SLC13A2: variants seen among roughly 807,000 people sequenced by gnomAD.
SLC13A2 encodes Na(+)-coupled citrate transporter.
Under a neutral mutation model 58.5 loss-of-function variants are expected in SLC13A2, and 40 were observed. That is an observed-to-expected ratio of 0.68 (90% CI 0.53 to 0.89). SLC13A2 has a LOEUF of 0.89. SLC13A2 is among the 40% of genes least tolerant of loss of function. The pLI is 0.00. For missense variants in SLC13A2, 694 were observed against 772.6 expected (o/e 0.90, Z 1.21); for synonymous variants, 341 against 331.6 (o/e 1.03, Z -0.31).
intron 1 of SLC13A2, chr17:28,487,485 A>C (rs1443003643): frequency 9.5e-6 from 9 of 948,190 alleles, no homozygotes; most frequent in Non-Finnish European, 1.1e-5. Flanking sequence ...AAGCACATAG[A>C]ATATGACGCC....
chr17:28,491,838 C>A lies in SLC13A2; in HGVS notation c.864C>A (p.Leu288=), dbSNP rs2069033362. Residue 288 remains leucine (L), a synonymous_variant, in exon 6 of 12, where the codon CTC becomes CTA. Coordinates refer to ENST00000314669, the MANE Select transcript of SLC13A2 (RefSeq NM_003984.4). ...LLLAWLWLQI[L]FLGFNFRKNF... is the part of the protein sequence containing the mutation. ...TGGCCTGGTTGTGGCTGCAGATCCT[C>A]TTCCTGGGCTTCAAGTAAGTGGCAA... 1 of 1,613,948 alleles carries A rather than the reference C, an allele frequency of 6.2e-7. No homozygotes were observed. Among genetic ancestry groups the A allele is most frequent in the Non-Finnish European group, 8.5e-7 (1 of 1,179,936 alleles).
rs782504889 is a variant in SLC13A2 at position 28,490,884 on chromosome 17, C to T, written c.552C>T (p.Pro184=). ...CCTTCGAGCTCCAGGAACCAAGTCC[C>T]CAGAAGGAGGTGACCAAGCTTGGTG... ...NPTFELQEPS[P]QKEVTKLDNG... Residue 184 remains proline (P), a synonymous_variant, in exon 4 of 12, where the codon CCC becomes CCT. Coordinates refer to ENST00000314669, the MANE Select transcript of SLC13A2 (RefSeq NM_003984.4). 16 of 1,613,874 alleles carry T rather than the reference C, an allele frequency of 9.9e-6. No homozygotes were observed. The South Asian group carries it at 1.5e-4, about 16-fold the overall frequency.
rs2068959797 is a variant in SLC13A2, at chr17:28,489,530, G to A, written c.231+188G>A. On this transcript the variant is annotated intron_variant, in intron 2 of 11. Coordinates refer to ENST00000314669, the MANE Select transcript of SLC13A2 (RefSeq NM_003984.4). ...TGGGGTGGGGAGGGGTGCAGAATTAGTGCTGCGAGTTCATTCAAGGTGAGA... is the reference window on the plus strand; with the variant it reads ...TGGGGTGGGGAGGGGTGCAGAATTAATGCTGCGAGTTCATTCAAGGTGAGA... Among the ~76,000 whole-genome samples, 3 of 152,192 alleles carry A rather than the reference G, an allele frequency of 2.0e-5. No homozygotes were observed. In the South Asian group the frequency reaches 6.2e-4, roughly 32 times the overall value.
In SLC13A2 at chr17:28,494,032, G is replaced by C. The variant is rs1337826565; in HGVS notation, c.1113G>C (p.Gly371=). The change falls in exon 8 of 12, where the codon GGG becomes GGC. Residue 371 remains glycine (G), a synonymous_variant. Transcript: ENST00000314669. This position sits in a 1 kb window ranked among gnomAD's most constrained non-coding sequence, Gnocchi z 4.0. ...NAKGESMVSD[G]TVAIFIGIIM... Reference sequence around the variant, plus strand: ...CCACCAACAGCATGGTGTCCGATGGGACAGTGGCCATCTTCATCGGCATAA... The same window carrying C: ...CCACCAACAGCATGGTGTCCGATGGCACAGTGGCCATCTTCATCGGCATAA... The C allele has an allele frequency of 1.9e-6, 3 of 1,614,000 alleles. No individual in the cohort carries two copies. The highest frequency in any genetic ancestry group is 2.5e-6 in the Non-Finnish European group (3 of 1,180,006).
chr17:28,493,508 C>A, intron 6 of SLC13A2, 63 bp from the exon 7 acceptor site: 1 of 1,409,464 alleles, frequency 7.1e-7, no homozygotes, highest in South Asian at 1.4e-5. Flanking sequence ...GGTAGGCACT[C>A]AGAGCCCCTT....
intron 1 of SLC13A2, among the ~76,000 whole-genome samples, chr17:28,477,268 A>G (rs1555600145): frequency 7.4e-6 from 1 of 134,672 alleles, no homozygotes; most frequent in African/African-American, 2.9e-5. Context: ...ATCTTGGCTC[A>G]CTGCAAGCTC....
At chr17:28,490,266 C>A in intron 2 of SLC13A2, 188 bp from the exon 3 acceptor site, 1 of 1,523,554 alleles carries the variant, frequency 6.6e-7, no homozygotes, top group Non-Finnish European at 8.8e-7. Context: ...AGAGCCAGAC[C>A]CTGTCTCCAA....
chr17:28,487,631 A>G, intron 1 of SLC13A2: 1 of 963,200 alleles, frequency 1.0e-6, no homozygotes, highest in Non-Finnish European at 1.2e-6. Flanking sequence ...AGGGTCCAGG[A>G]GGGCTGGCCC....
intron 1 of SLC13A2, among the ~76,000 whole-genome samples, chr17:28,483,959 T>A (rs913926454): frequency 3.3e-5 from 5 of 152,158 alleles, no homozygotes; most frequent in African/African-American, 9.7e-5. Flanking sequence ...GGGGTTTCTG[T>A]CTTCAGTCTG....
intron 1 of SLC13A2, among the ~76,000 whole-genome samples, chr17:28,476,335 G>C (rs1328566088): frequency 6.6e-6 from 1 of 151,970 alleles, no homozygotes; most frequent in Non-Finnish European, 1.5e-5. Context: ...TTGTGAGGAC[G>C]AGGCGGGAGA....
At chr17:28,479,124 G>A (rs1281620910) in intron 1 of SLC13A2, among the ~76,000 whole-genome samples, 4 of 152,160 alleles carry the variant, frequency 2.6e-5, no homozygotes, top group Non-Finnish European at 5.9e-5. Flanking sequence ...TGAGGCAGGA[G>A]GATCACTTGA....
chr17:28,473,980 C>T (rs2068629567), intron 1 of SLC13A2, among the ~76,000 whole-genome samples, 166 bp downstream of exon 1: 1 of 152,130 alleles, frequency 6.6e-6, no homozygotes, highest in African/African-American at 2.4e-5. Flanking sequence ...GCTAGGAGGT[C>T]AAAGGGGCTT....
At position 28,494,479 on chromosome 17, in the gene SLC13A2, G is replaced by C; in HGVS notation, c.1275G>C (p.Leu425=). The change falls in exon 9 of 12, where the codon CTG becomes CTC. Residue 425 remains leucine, a synonymous_variant. Transcript: ENST00000314669. The surrounding 1 kb of genome is among the most constrained non-coding windows in gnomAD (Gnocchi z 4.0). The stretch of plus-strand genomic sequence containing the variant: ...TGCCGTGGAATATCGTGTTATTGCT[G>C]GGTGGTGGCTATGCCCTGGCCAAGG... The part of the protein sequence containing the change: ...QKMPWNIVLL[L]GGGYALAKGS... 3 of 1,614,062 alleles carry C rather than the reference G, an allele frequency of 1.9e-6. No homozygotes were observed. Among genetic ancestry groups the C allele is most frequent in the East Asian group, 2.2e-5 (1 of 44,854 alleles).
At position 28,494,511 on chromosome 17, in the gene SLC13A2, A is replaced by C. The variant is rs1187592725; in HGVS notation, c.1307A>C (p.Glu436Ala). The C allele has an allele frequency of 2.5e-6, 4 of 1,613,692 alleles. No homozygotes were observed. The African/African-American group carries it at 5.3e-5, about 22-fold the overall frequency. ...GGCTATGCCCTGGCCAAGGGCAGTGAGGTGAGAGGCCCCCAGCCCCCTCCT... is the reference window on the plus strand; with the variant it reads ...GGCTATGCCCTGGCCAAGGGCAGTGCGGTGAGAGGCCCCCAGCCCCCTCCT... The part of the protein sequence containing the change: ...GGGYALAKGS[E>A]RSGLSEWLGN... Residue 436 changes from glutamate (E) to alanine (A), a missense_variant and splice_region_variant, in exon 9 of 12, where the codon GAG becomes GCG. Transcript: ENST00000314669. The surrounding 1 kb of genome is among the most constrained non-coding windows in gnomAD (Gnocchi z 4.0).
chr17:28,491,922 A>G (rs1555603609), intron 6 of SLC13A2, 70 bp downstream of exon 6: 4 of 1,557,630 alleles, frequency 2.6e-6, no homozygotes, highest in Non-Finnish European at 3.5e-6. Flanking sequence ...AGTTGGGTGC[A>G]GATGTGGAAA....
chr17:28,496,976 C>A lies in SLC13A2; in HGVS notation c.1609-123C>A. The A allele has an allele frequency of 1.0e-6, 1 of 1,001,758 alleles. No individual in the cohort carries two copies. The allele number at this position is 1,001,758 out of a possible 1,614,324, so 62.1% of individuals were successfully genotyped here. On this transcript the variant is annotated intron_variant, in intron 11 of 11. Coordinates refer to ENST00000314669, the MANE Select transcript of SLC13A2 (RefSeq NM_003984.4). The surrounding 1 kb of genome is among the most constrained non-coding windows in gnomAD (Gnocchi z 4.2). ...TTGGCTATGCTGCAGGTTAGACCAACGGGAGGACTTCCCAGAGAGAATTTT... is the reference window on the plus strand; with the variant it reads ...TTGGCTATGCTGCAGGTTAGACCAAAGGGAGGACTTCCCAGAGAGAATTTT...
intron 1 of SLC13A2, among the ~76,000 whole-genome samples, chr17:28,488,033 T>C (rs73276450): frequency 0.28 from 42,688 of 152,054 alleles, 6,724 homozygotes; most frequent in African/African-American, 0.42. Context: ...CTGAGCAAGC[T>C]GTTTACCCTC....
chr17:28,484,945 G>A (rs1437537906), intron 1 of SLC13A2, among the ~76,000 whole-genome samples: 2 of 152,172 alleles, frequency 1.3e-5, no homozygotes, highest in Admixed American at 1.3e-4. Context: ...CTTCCTTGGG[G>A]GTGGGGGTGA....
chr17:28,491,660 C>G (rs1351513718), intron 5 of SLC13A2, 43 bp downstream of exon 5: 2 of 1,608,234 alleles, frequency 1.2e-6, no homozygotes, highest in African/African-American at 2.7e-5. Context: ...TCTGCACATT[C>G]ACTGGGAGGT....
Sources: allele counts gnomAD v4.1 joint callset (sites outside exome capture counted in the v4.1 genomes callset), GRCh38; gene constraint gnomAD v4.1.1; non-coding constraint Gnocchi (gnomAD v3.1); transcripts MANE v1.5; gene names NCBI Gene and HGNC (gene_info 2026-07-23, HGNC 2026-07-21).